The following PRKCE variants were observed in gnomAD, a reference collection of about 807,000 sequenced individuals.
The protein encoded by PRKCE is protein kinase C epsilon.
A neutral mutation model predicts 85.4 loss-of-function variants in PRKCE; 16 were observed. That is an observed-to-expected ratio of 0.19 (90% CI 0.13 to 0.28). The LOEUF (loss-of-function observed/expected upper bound fraction) is 0.28. Ranked by LOEUF, PRKCE falls within the 10% of genes least tolerant of loss-of-function variation. The pLI is 1.00. For missense variants in PRKCE, 573 were observed against 975.2 expected, an observed-to-expected ratio of 0.59 and a Z score of 5.49; for synonymous variants, 388 against 371.5, an observed-to-expected ratio of 1.04 and a Z score of -0.51.
chr2:46,111,744 T>G (rs980375443), intron 11 of PRKCE, among the ~76,000 whole-genome samples: 1 of 152,234 alleles, frequency 6.6e-6, no homozygotes, highest in Non-Finnish European at 1.5e-5. Flanking sequence ...GATGGACACT[T>G]AGGTTGTTTC....
chr2:46,061,909 T>A (rs1015259101), intron 10 of PRKCE, among the ~76,000 whole-genome samples: 8 of 141,404 alleles, frequency 5.7e-5, no homozygotes, highest in Admixed American at 5.3e-4. Context: ...CCAGGAGGAG[T>A]GCAGTGGCAC....
chr2:45,896,082 T>C (rs1573788005), intron 2 of PRKCE, among the ~76,000 whole-genome samples: 1 of 152,218 alleles, frequency 6.6e-6, no homozygotes. Context: ...GGTGTAAGCA[T>C]ATCTGGGTCT....
rs533109410 is a variant in PRKCE, at chr2:45,965,974, G to A, written c.413-10455G>A. ...CTTTCTTTTCTAAGTATCTAGGTGAGAGCAAGGGCAGATGTGTGGGGAGGT... is the reference window on the plus strand; with the variant it reads ...CTTTCTTTTCTAAGTATCTAGGTGAAAGCAAGGGCAGATGTGTGGGGAGGT... On this transcript the variant is annotated intron_variant, in intron 2 of 14. Coordinates refer to ENST00000306156, the MANE Select transcript of PRKCE (RefSeq NM_005400.3). 2.1e-4 allele frequency among the ~76,000 whole-genome samples: 32 copies of A among 152,170 alleles called. No homozygotes were observed. The South Asian group carries it at 5.0e-3, about 24-fold the overall frequency.
At chr2:45,792,065 A>G (rs1307002981) in intron 1 of PRKCE, among the ~76,000 whole-genome samples, 1 of 152,236 alleles carries the variant, frequency 6.6e-6, no homozygotes, top group Non-Finnish European at 1.5e-5. Context: ...AGCCTTGCTT[A>G]GTTCATGGTT....
intron 1 of PRKCE, among the ~76,000 whole-genome samples, chr2:45,738,324 A>G (rs1682259786): frequency 6.6e-6 from 1 of 152,130 alleles, no homozygotes; most frequent in Admixed American, 6.5e-5. Context: ...TAATTTCTTT[A>G]CACCTGTAGA....
At chr2:45,911,407 A>G (rs1697373026) in intron 2 of PRKCE, among the ~76,000 whole-genome samples, 4 of 152,204 alleles carry the variant, frequency 2.6e-5, no homozygotes, top group Admixed American at 2.6e-4. Context: ...ATGCATGCAG[A>G]GCATTGCAGA....
chr2:45,889,317 C>G (rs548254879), intron 2 of PRKCE, among the ~76,000 whole-genome samples: 12 of 152,160 alleles, frequency 7.9e-5, no homozygotes, highest in Non-Finnish European at 1.8e-4. Flanking sequence ...ACAGCAAAGC[C>G]CTAGAGACAG....
At chr2:45,863,629 A>G (rs1195183698) in intron 2 of PRKCE, among the ~76,000 whole-genome samples, 2 of 152,232 alleles carry the variant, frequency 1.3e-5, no homozygotes, top group Middle Eastern at 3.4e-3. Context: ...GTTTAAGCAG[A>G]GTAAGTGCAA....
At chr2:46,044,632 A>G (rs1708409710) in intron 10 of PRKCE, among the ~76,000 whole-genome samples, 1 of 152,222 alleles carries the variant, frequency 6.6e-6, no homozygotes, top group Non-Finnish European at 1.5e-5. Context: ...TTTTAAATGC[A>G]AAGTCCTGTA....
chr2:45,711,291 A>T (rs1038202329), intron 1 of PRKCE, among the ~76,000 whole-genome samples: 1 of 152,216 alleles, frequency 6.6e-6, no homozygotes, highest in African/African-American at 2.4e-5. Flanking sequence ...GGTACTTTCC[A>T]CAGTGCTGGG....
At chr2:45,667,799 A>G (rs1177775841) in intron 1 of PRKCE, among the ~76,000 whole-genome samples, 2 of 152,120 alleles carry the variant, frequency 1.3e-5, no homozygotes, top group African/African-American at 2.4e-5. Flanking sequence ...AACTTCAAAA[A>G]AAAAAAAGTG....
In PRKCE at chr2:45,652,308, GTCACCGA is replaced by G; in HGVS notation, c.210_216del (p.Thr71CysfsTer17). ...CAGCCCGGCCTGGCACGACGAGTTC[GTCACCGA>G]TGTGTGCAACGGACGCAAGATCGAG... On this transcript the variant is annotated frameshift_variant, in exon 1 of 15. Coordinates refer to ENST00000306156, the MANE Select transcript of PRKCE (RefSeq NM_005400.3). LOFTEE classifies it high-confidence loss of function. The surrounding 1 kb of genome is among the most constrained non-coding windows in gnomAD (Gnocchi z 7.7). 1 of 1,613,670 alleles carries G rather than the reference GTCACCGA, an allele frequency of 6.2e-7. No individual in the cohort carries two copies. Among genetic ancestry groups the G allele is most frequent in the Non-Finnish European group, 8.5e-7 (1 of 1,180,010 alleles).
At chr2:46,172,742 A>G (rs946442748) in intron 14 of PRKCE, among the ~76,000 whole-genome samples, 4 of 152,228 alleles carry the variant, frequency 2.6e-5, no homozygotes, top group Non-Finnish European at 5.9e-5. Context: ...AGAGCACTGT[A>G]TAGTCACTAA....
At chr2:45,858,029 C>A (rs2105619822) in intron 2 of PRKCE, among the ~76,000 whole-genome samples, 1 of 152,292 alleles carries the variant, frequency 6.6e-6, no homozygotes, top group African/African-American at 2.4e-5. Context: ...GGCCTGTGTG[C>A]TGTTTGAAGG....
chr2:45,803,757 G>A (rs925332627), intron 1 of PRKCE, among the ~76,000 whole-genome samples: 11 of 152,166 alleles, frequency 7.2e-5, no homozygotes, highest in Non-Finnish European at 1.5e-4. Flanking sequence ...TTAGTAAATT[G>A]TTTCTGAAAT....
chr2:45,904,766 A>G (rs1696847143), intron 2 of PRKCE, among the ~76,000 whole-genome samples: 1 of 151,300 alleles, frequency 6.6e-6, no homozygotes, highest in African/African-American at 2.4e-5. Context: ...CTTTCCCAAG[A>G]CTCTTGCTGT....
intron 10 of PRKCE, among the ~76,000 whole-genome samples, chr2:46,081,074 C>G (rs1669027523): frequency 1.3e-5 from 2 of 152,156 alleles, no homozygotes; most frequent in Non-Finnish European, 2.9e-5. Flanking sequence ...TCACTGAAGC[C>G]TTCACCTCCT....
At chr2:45,653,381 T>G (rs1183852279) in intron 1 of PRKCE, among the ~76,000 whole-genome samples, 4 of 142,950 alleles carry the variant, frequency 2.8e-5, no homozygotes, top group African/African-American at 7.7e-5. Flanking sequence ...TTTTTTTTTT[T>G]TTTTTTTTTT....
chr2:45,915,479 T>C (rs1697696001), intron 2 of PRKCE, among the ~76,000 whole-genome samples: 2 of 152,172 alleles, frequency 1.3e-5, no homozygotes, highest in Admixed American at 6.5e-5. Flanking sequence ...AAAGCTCCAG[T>C]GAACCCTAAA....
Sources: allele counts gnomAD v4.1 joint callset (sites outside exome capture counted in the v4.1 genomes callset), GRCh38; gene constraint gnomAD v4.1.1; non-coding constraint Gnocchi (gnomAD v3.1); transcripts MANE v1.5; gene names NCBI Gene and HGNC (gene_info 2026-07-23, HGNC 2026-07-21).